CORO1C: variants seen among roughly 807,000 people sequenced by gnomAD.
CORO1C encodes coronin-1C.
Under a neutral mutation model 51.2 loss-of-function variants are expected in CORO1C, and 14 were observed. The observed-to-expected ratio is 0.27, with a 90% CI of 0.18 to 0.43. The LOEUF is 0.43. Ranked by LOEUF, CORO1C falls within the 20% of genes least tolerant of loss-of-function variation. The pLI is 1.00. For missense variants in CORO1C, 417 were observed against 607.8 expected, an observed-to-expected ratio of 0.69 and a Z score of 3.30; for synonymous variants, 181 against 210.5, an observed-to-expected ratio of 0.86 and a Z score of 1.21.
At chr12:108,718,363 C>T (rs1016644994) in intron 1 of CORO1C, among the ~76,000 whole-genome samples, 53 of 128,494 alleles carry the variant, frequency 4.1e-4, no homozygotes, top group Middle Eastern at 3.8e-3. Flanking sequence ...AGTGAGACTC[C>T]GTCTCGAAAA....
intron 1 of CORO1C, among the ~76,000 whole-genome samples, chr12:108,709,834 G>GA (rs1319545628): frequency 6.6e-6 from 1 of 152,210 alleles, no homozygotes; most frequent in Non-Finnish European, 1.5e-5. Context: ...TTCAACTTTG[G>GA]AAAAACTGCT....
At chr12:108,723,623 A>T (rs559906233) in intron 1 of CORO1C, among the ~76,000 whole-genome samples, 1 of 152,336 alleles carries the variant, frequency 6.6e-6, no homozygotes, top group African/African-American at 2.4e-5. Context: ...TCCACAATGG[A>T]GCAAGAAAGT....
chr12:108,691,013 G>GT (rs1253822219), intron 2 of CORO1C, among the ~76,000 whole-genome samples: 11 of 151,560 alleles, frequency 7.3e-5, no homozygotes, highest in African/African-American at 2.7e-4. Context: ...CTCTGCATTG[G>GT]TTTAATCCAC....
chr12:108,684,014 TTCAGCAGTG>T (rs1300455650), intron 2 of CORO1C, among the ~76,000 whole-genome samples: 1 of 152,132 alleles, frequency 6.6e-6, no homozygotes, highest in African/African-American at 2.4e-5. Flanking sequence ...GCAAACCAAA[TTCAGCAGTG>T]TGAGTTGTTC....
chr12:108,719,155 A>C (rs1176913614), intron 1 of CORO1C, among the ~76,000 whole-genome samples: 2 of 152,232 alleles, frequency 1.3e-5, no homozygotes, highest in Non-Finnish European at 2.9e-5. Flanking sequence ...TCTATGCTAA[A>C]TTAATTGGAC....
At chr12:108,670,256 G>T (rs115801712) in intron 3 of CORO1C, among the ~76,000 whole-genome samples, 1 of 152,212 alleles carries the variant, frequency 6.6e-6, no homozygotes, top group African/African-American at 2.4e-5. Flanking sequence ...GGGACAGCAA[G>T]GGGACACCTG....
chr12:108,723,054 A>C (rs1382744032), intron 1 of CORO1C, among the ~76,000 whole-genome samples: 1 of 152,176 alleles, frequency 6.6e-6, no homozygotes, highest in Non-Finnish European at 1.5e-5. Context: ...CCCCCAAAGA[A>C]CTGTGGCCAG....
At chr12:108,693,351 G>A (rs1187965311) in intron 2 of CORO1C, among the ~76,000 whole-genome samples, 3 of 152,134 alleles carry the variant, frequency 2.0e-5, no homozygotes, top group East Asian at 1.9e-4. Context: ...ATCCACGTAC[G>A]ATCTGCTGAC....
intron 8 of CORO1C, among the ~76,000 whole-genome samples, chr12:108,650,590 G>A (rs1301196670): frequency 6.6e-6 from 1 of 152,148 alleles, no homozygotes; most frequent in Non-Finnish European, 1.5e-5. Flanking sequence ...ACGAGAGTGT[G>A]ACAACCTCAC....
At chr12:108,650,923 A>G (rs977425921) in intron 8 of CORO1C, among the ~76,000 whole-genome samples, 26 of 152,012 alleles carry the variant, frequency 1.7e-4, no homozygotes, top group Admixed American at 1.7e-3. Context: ...CATTATTCCA[A>G]CTAAAAAAAA....
chr12:108,725,496 G>A (rs1385914939), intron 1 of CORO1C, among the ~76,000 whole-genome samples: 1 of 152,202 alleles, frequency 6.6e-6, no homozygotes, highest in Non-Finnish European at 1.5e-5. Context: ...GTGAAGCTCA[G>A]GGAGGTGAGG....
At chr12:108,680,670 G>C (rs564558013) in intron 2 of CORO1C, among the ~76,000 whole-genome samples, 34 of 152,228 alleles carry the variant, frequency 2.2e-4, no homozygotes, top group African/African-American at 7.7e-4. Flanking sequence ...GACAATCAAG[G>C]TAAAGAACTT....
chr12:108,729,832 T>C (rs1376182290), intron 1 of CORO1C, among the ~76,000 whole-genome samples: 2 of 152,232 alleles, frequency 1.3e-5, no homozygotes, highest in Admixed American at 1.3e-4. Context: ...CCTTCACAAC[T>C]GAACAGACGG....
At chr12:108,710,250 T>C (rs1159879462) in intron 1 of CORO1C, among the ~76,000 whole-genome samples, 2 of 152,190 alleles carry the variant, frequency 1.3e-5, no homozygotes, top group African/African-American at 4.8e-5. Context: ...ACCTCTATCT[T>C]AGAAACATGG....
chr12:108,674,318 G>A (rs2033824166), intron 3 of CORO1C, among the ~76,000 whole-genome samples: 1 of 152,204 alleles, frequency 6.6e-6, no homozygotes, highest in Non-Finnish European at 1.5e-5. Context: ...GGAGGCCAAG[G>A]CGGGCGGATC....
chr12:108,661,159 T>C (rs1041311552), intron 4 of CORO1C, among the ~76,000 whole-genome samples: 1 of 152,236 alleles, frequency 6.6e-6, no homozygotes, highest in East Asian at 1.9e-4. Flanking sequence ...AGATACAGAA[T>C]ATTTCCATCA....
At chr12:108,711,280 G>C (rs1036199240) in intron 1 of CORO1C, among the ~76,000 whole-genome samples, 3 of 152,220 alleles carry the variant, frequency 2.0e-5, no homozygotes, top group Admixed American at 6.5e-5. Context: ...TGAGGTGGGA[G>C]GACTGCTTGA....
chr12:108,715,754 C>T (rs2035315201), intron 1 of CORO1C, among the ~76,000 whole-genome samples: 1 of 151,324 alleles, frequency 6.6e-6, no homozygotes, highest in Non-Finnish European at 1.5e-5. Flanking sequence ...CAGAACACAA[C>T]TCAAAGAGCC....
chr12:108,678,718 T>TAA lies in CORO1C; in HGVS notation c.196-326_196-325dup, dbSNP rs5800834. ...TAAATTAAAAGGATGTTCCATGGCTTAAAAAAAAAAAAAAAAAAACCCTAA... is the reference window on the plus strand; with the variant it reads ...TAAATTAAAAGGATGTTCCATGGCTTAAAAAAAAAAAAAAAAAAAAACCCTAA... On this transcript the variant is annotated intron_variant, in intron 2 of 10. Transcript: ENST00000261401. Among the ~76,000 whole-genome samples, 158 of 113,684 alleles carry TAA rather than the reference T, an allele frequency of 1.4e-3. 2 individuals are homozygous for TAA. Among genetic ancestry groups the TAA allele is most frequent in the Admixed American group, 3.4e-3 (39 of 11,606 alleles). 74.6% of individuals were successfully genotyped at this position (113,684 alleles called of 152,430 possible).
Sources: allele counts gnomAD v4.1 joint callset (sites outside exome capture counted in the v4.1 genomes callset), GRCh38; gene constraint gnomAD v4.1.1; transcripts MANE v1.5; gene names NCBI Gene and HGNC (gene_info 2026-07-23, HGNC 2026-07-21).